The following CERK variants were observed in gnomAD, a reference collection of about 807,000 sequenced individuals.
The protein encoded by CERK is ceramide kinase, also known as acylsphingosine kinase.
A neutral mutation model predicts 63.4 loss-of-function variants in CERK; 39 were observed. That is an observed-to-expected ratio of 0.61 (90% CI 0.48 to 0.80). The LOEUF is 0.80. CERK is among the 30% of genes least tolerant of loss of function. The pLI, the probability that CERK is intolerant of heterozygous loss-of-function variation, is 0.00. For synonymous variants in CERK, 302 were observed against 280.0 expected (o/e 1.08, Z -0.78); for missense variants, 670 against 714.1 (o/e 0.94, Z 0.70).
chr22:46,694,320 A>G (rs560706733), intron 9 of CERK, among the ~76,000 whole-genome samples: 2 of 151,976 alleles, frequency 1.3e-5, no homozygotes, highest in Non-Finnish European at 2.9e-5. Flanking sequence ...GTTTAGATTT[A>G]TTTAAGGTTC....
intron 12 of CERK, among the ~76,000 whole-genome samples, chr22:46,687,774 G>T (rs1017690099): frequency 1.3e-5 from 2 of 152,218 alleles, no homozygotes; most frequent in East Asian, 1.9e-4. Context: ...CCTGCCCAGG[G>T]GCTCGGTGGC....
At chr22:46,725,362 T>C (rs1047046021) in intron 1 of CERK, among the ~76,000 whole-genome samples, 1 of 152,018 alleles carries the variant, frequency 6.6e-6, no homozygotes, top group African/African-American at 2.4e-5. Context: ...GGGCAGGTCA[T>C]GTGGACGGCA....
intron 1 of CERK, 86 bp downstream of exon 1, chr22:46,737,921 T>A: frequency 2.3e-6 from 2 of 875,670 alleles, no homozygotes; most frequent in Non-Finnish European, 2.8e-6. Context: ...GCTCGCTCCC[T>A]GCACCCGGTC....
intron 8 of CERK, among the ~76,000 whole-genome samples, chr22:46,695,922 G>T (rs932244720): frequency 1.3e-5 from 2 of 152,250 alleles, no homozygotes; most frequent in African/African-American, 4.8e-5. Context: ...GGAGGCAGGA[G>T]AGGGGCCCCA....
intron 5 of CERK, among the ~76,000 whole-genome samples, chr22:46,710,271 T>C (rs113964707): frequency 0.019 from 2,852 of 152,108 alleles, 79 homozygotes; most frequent in African/African-American, 0.066. Flanking sequence ...CTGTCTCTAC[T>C]AAAAACACAA....
rs1252520733 is a variant in CERK, at chr22:46,720,072, A to G, written c.379+14T>C. On this transcript the variant is annotated intron_variant, in intron 3 of 12. Transcript: ENST00000216264. ...CCACGGCCATCCTGTCTCTCAGTCC[A>G]AACACACACGTACTCAGCTTCTCCA... is the stretch of plus-strand genomic sequence containing the variant. 3.7e-6 allele frequency: 6 copies of G among 1,612,044 alleles called. No homozygotes were observed. The highest frequency in any genetic ancestry group is 5.1e-6 in the Non-Finnish European group (6 of 1,179,202).
intron 6 of CERK, among the ~76,000 whole-genome samples, chr22:46,704,068 T>G (rs1235721181): frequency 1.3e-5 from 2 of 152,218 alleles, no homozygotes; most frequent in South Asian, 2.1e-4. Flanking sequence ...GCACCCACCC[T>G]GGGAAAGGCT....
At position 46,738,018 on chromosome 22, in the gene CERK, G is replaced by A; in HGVS notation, c.131C>T (p.Ala44Val). The change falls in exon 1 of 13, where the codon GCC becomes GTC. Residue 44 changes from alanine (A) to valine (V), a missense_variant. Coordinates refer to ENST00000216264, the MANE Select transcript of CERK (RefSeq NM_022766.6). ...GCGGCGACACTCACCCGCGCCGGGG[G>A]CGCCGGCTCCGGGCCCCGGGCTCCG... ...WWRSPGPGAG[A>V]PGADACSVPV... The A allele has an allele frequency of 2.5e-6, 3 of 1,188,160 alleles. No individual in the cohort carries two copies. The highest frequency in any genetic ancestry group is 4.6e-5 in the Admixed American group (1 of 21,536). 73.6% of individuals were successfully genotyped at this position (1,188,160 alleles called of 1,614,324 possible).
chr22:46,701,518 C>G (rs1270728117), intron 7 of CERK, 118 bp downstream of exon 7: 1 of 814,796 alleles, frequency 1.2e-6, no homozygotes, highest in African/African-American at 1.7e-5. Context: ...CACAGCGTGA[C>G]CCACGGCCAG....
intron 1 of CERK, 97 bp downstream of exon 1, chr22:46,737,910 C>T: frequency 1.1e-6 from 1 of 903,404 alleles, no homozygotes; most frequent in Non-Finnish European, 1.4e-6. Flanking sequence ...TTACCACAGC[C>T]GCTCGCTCCC....
At chr22:46,703,790 G>A (rs540344568) in intron 6 of CERK, among the ~76,000 whole-genome samples, 44 of 152,174 alleles carry the variant, frequency 2.9e-4, no homozygotes, top group Admixed American at 8.5e-4. Flanking sequence ...CCGAACCACC[G>A]CCTCCAAGAC....
chr22:46,709,405 T>C (rs78444025), intron 5 of CERK, among the ~76,000 whole-genome samples: 3,742 of 152,202 alleles, frequency 0.025, 54 homozygotes, highest in African/African-American at 0.028. Context: ...AAGAAGTACA[T>C]GGAGGAGCTG....
intron 10 of CERK, 127 bp from the exon 11 acceptor site, chr22:46,691,904 G>T (rs2082733679): frequency 4.5e-6 from 3 of 661,422 alleles, no homozygotes; most frequent in African/African-American, 3.6e-5. Flanking sequence ...TCATGCAATC[G>T]ACTCTTCAGC....
chr22:46,696,858 C>G (rs55932350), intron 8 of CERK, among the ~76,000 whole-genome samples: 30,673 of 151,960 alleles, frequency 0.2, 3,253 homozygotes, highest in East Asian at 0.35. Context: ...GCCAGGCATG[C>G]AGGGGGGCTG....
intron 4 of CERK, 95 bp downstream of exon 4, chr22:46,712,073 T>G (rs979677226): frequency 1.4e-6 from 2 of 1,408,608 alleles, no homozygotes; most frequent in Non-Finnish European, 2.0e-6. Flanking sequence ...GGCAACAGAG[T>G]GAGACACCGT....
chr22:46,737,243 GATCGTGGCATTGA>G (rs1325637622), intron 1 of CERK, among the ~76,000 whole-genome samples: 1 of 149,476 alleles, frequency 6.7e-6, no homozygotes, highest in Non-Finnish European at 1.5e-5. Flanking sequence ...AGTGAGCCAA[GATCGTGGCATTGA>G]ACTCCAGCCT....
intron 8 of CERK, 105 bp from the exon 9 acceptor site, chr22:46,695,420 A>G: frequency 1.3e-6 from 1 of 768,768 alleles, no homozygotes; most frequent in Non-Finnish European, 2.3e-6. Context: ...GCATCTGCCT[A>G]AACCGTCTGC....
At chr22:46,698,140 AAG>A (rs1276807397) in intron 8 of CERK, among the ~76,000 whole-genome samples, 1 of 152,238 alleles carries the variant, frequency 6.6e-6, no homozygotes, top group African/African-American at 2.4e-5. Flanking sequence ...GGGCTCAAGA[AAG>A]AGTGAGGCAG....
chr22:46,688,226 G>A (rs1450584952), intron 12 of CERK, among the ~76,000 whole-genome samples: 1 of 152,102 alleles, frequency 6.6e-6, no homozygotes, highest in Non-Finnish European at 1.5e-5. Context: ...GTGACAGGCT[G>A]TTTCCATGGA....
Sources: gnomAD v4.1 joint callset for allele counts (sites outside exome capture counted in the v4.1 genomes callset) on GRCh38, gnomAD v4.1.1 for gene constraint, MANE v1.5 for transcripts, NCBI Gene and HGNC (gene_info 2026-07-23, HGNC 2026-07-21) for gene names.